The following SLCO5A1 variants were observed in gnomAD, a reference collection of about 807,000 sequenced individuals.
The protein encoded by SLCO5A1 is solute carrier organic anion transporter family member 5A1.
SLCO5A1 carries 39 observed loss-of-function variants against 65.1 expected under a neutral mutation model. That is an observed-to-expected ratio of 0.60 (90% CI 0.46 to 0.78). The LOEUF is 0.78. Ranked by LOEUF, SLCO5A1 falls within the 30% of genes least tolerant of loss-of-function variation. The pLI, the probability that SLCO5A1 is intolerant of heterozygous loss-of-function variation, is 0.00. For missense variants in SLCO5A1, 1,029 were observed against 1,069.4 expected, an observed-to-expected ratio of 0.96 and a Z score of 0.53; for synonymous variants, 438 against 415.7, an observed-to-expected ratio of 1.05 and a Z score of -0.65.
chr8:69,779,936 T>C (rs1818726599), intron 2 of SLCO5A1, among the ~76,000 whole-genome samples: 2 of 152,018 alleles, frequency 1.3e-5, no homozygotes, highest in Admixed American at 1.3e-4. Context: ...CCAGAATTTA[T>C]AAGGAACTCA....
intron 2 of SLCO5A1, among the ~76,000 whole-genome samples, chr8:69,788,083 A>G (rs1445735609): frequency 6.6e-6 from 1 of 152,234 alleles, no homozygotes; most frequent in Non-Finnish European, 1.5e-5. Context: ...TAACAAATCC[A>G]GAGGTAGATT....
At chr8:69,708,537 G>C (rs960300963) in intron 5 of SLCO5A1, among the ~76,000 whole-genome samples, 3 of 148,244 alleles carry the variant, frequency 2.0e-5, no homozygotes, top group African/African-American at 7.5e-5. Context: ...TCCAGACTGG[G>C]TAACAAGAGC....
At chr8:69,746,613 G>C (rs1262589651) in intron 4 of SLCO5A1, among the ~76,000 whole-genome samples, 1 of 152,174 alleles carries the variant, frequency 6.6e-6, no homozygotes, top group African/African-American at 2.4e-5. Flanking sequence ...TTTGCCTTGA[G>C]GGCATAGGAA....
chr8:69,832,649 G>C lies in SLCO5A1; in HGVS notation c.25C>G (p.Pro9Ala). ...GCCTCCAGCTGCTCTCCCGCCCCGG[G>C]CTGCAGTCCAGTGCCTTCGTCCATG... MDEGTGLQ[P>A]GAGEQLEAPA... Residue 9 changes from proline (P) to alanine (A), a missense_variant, in exon 2 of 10, where the codon CCC (proline) becomes GCC (alanine). By Grantham distance (27) the Pro-to-Ala change is conservative. Around this residue, in one of 3 missense-constraint regions of SLCO5A1, gnomAD observed 647 missense variants for 647.5 expected, o/e 1.00. Transcript: ENST00000260126. This position sits in a 1 kb window ranked among gnomAD's most constrained non-coding sequence, Gnocchi z 4.5. 1 of 1,605,778 alleles carries C rather than the reference G, an allele frequency of 6.2e-7. No homozygotes were observed. Among genetic ancestry groups the C allele is most frequent in the Non-Finnish European group, 8.5e-7 (1 of 1,179,704 alleles).
At chr8:69,682,488 A>G in intron 6 of SLCO5A1, 145 bp from the exon 7 acceptor site, 1 of 689,774 alleles carries the variant, frequency 1.4e-6, no homozygotes, top group Non-Finnish European at 2.0e-6. Flanking sequence ...AGTCATCCTC[A>G]ACAATTATTT....
At position 69,832,553 on chromosome 8, in the gene SLCO5A1, G is replaced by T; in HGVS notation, c.121C>A (p.Leu41Ile). 6.2e-7 allele frequency: 1 copy of T among 1,610,986 alleles called. No homozygotes were observed. Among genetic ancestry groups the T allele is most frequent in the South Asian group, 1.1e-5 (1 of 90,598 alleles). Residue 41 changes from leucine (L) to isoleucine (I), a missense_variant, in exon 2 of 10, where the codon CTC becomes ATC. Physicochemically the swap from Leu to Ile is conservative, Grantham distance 5. Around this residue, in one of 3 missense-constraint regions of SLCO5A1, gnomAD observed 647 missense variants for 647.5 expected, o/e 1.00. Coordinates refer to ENST00000260126, the MANE Select transcript of SLCO5A1 (RefSeq NM_030958.3). This position sits in a 1 kb window ranked among gnomAD's most constrained non-coding sequence, Gnocchi z 4.5. Reference sequence around the variant, plus strand: ...CTTGGCCGGCAGGAGGCGCTGCTGAGGACCGGTAAACTCTTAGACCTGAGG... The same window carrying T: ...CTTGGCCGGCAGGAGGCGCTGCTGATGACCGGTAAACTCTTAGACCTGAGG... ...ETLRSKSLPV[L>I]SSASCRPSLS...
intron 5 of SLCO5A1, among the ~76,000 whole-genome samples, chr8:69,731,125 A>G (rs2959550): frequency 0.58 from 87,371 of 151,792 alleles, 25,602 homozygotes; most frequent in South Asian, 0.7. Flanking sequence ...TCAGCCTCCC[A>G]AGTAGCTGGG....
intron 6 of SLCO5A1, among the ~76,000 whole-genome samples, chr8:69,704,492 C>T (rs1814883559): frequency 6.6e-6 from 1 of 152,110 alleles, no homozygotes; most frequent in South Asian, 2.1e-4. Context: ...TATGAATGCT[C>T]TATTTTAGAT....
intron 5 of SLCO5A1, among the ~76,000 whole-genome samples, chr8:69,711,175 G>C (rs1269047000): frequency 6.6e-6 from 1 of 151,998 alleles, no homozygotes; most frequent in Non-Finnish European, 1.5e-5. Context: ...AAATAGAAAA[G>C]ATGGGTTCTC....
At chr8:69,726,344 C>A (rs773874389) in intron 5 of SLCO5A1, among the ~76,000 whole-genome samples, 4 of 152,066 alleles carry the variant, frequency 2.6e-5, no homozygotes, top group Non-Finnish European at 4.4e-5. Context: ...TTGACCCTGA[C>A]CCTACACCGA....
chr8:69,832,240 A>G lies in SLCO5A1; in HGVS notation c.434T>C (p.Val145Ala), dbSNP rs1821188317. Residue 145 changes from valine to alanine, a missense_variant, in exon 2 of 10, where the codon GTC (valine) becomes GCC (alanine). Coordinates refer to ENST00000260126, the MANE Select transcript of SLCO5A1 (RefSeq NM_030958.3). This position sits in a 1 kb window ranked among gnomAD's most constrained non-coding sequence, Gnocchi z 4.5. ...AATTACGCTGCTCAGGTACCCAGAG[A>G]CCATTAACGCCTGGATGAAGGTCAG... ...CFLTFIQALM[V>A]SGYLSSVITT... 6.2e-7 allele frequency: 1 copy of G among 1,614,090 alleles called. No individual in the cohort carries two copies. Among genetic ancestry groups the G allele is most frequent in the Non-Finnish European group, 8.5e-7 (1 of 1,180,000 alleles).
At chr8:69,828,300 A>T in intron 2 of SLCO5A1, among the ~76,000 whole-genome samples, 1 of 151,572 alleles carries the variant, frequency 6.6e-6, no homozygotes, top group Non-Finnish European at 1.5e-5. Context: ...TTTAATCAGT[A>T]TCTTTAAAAA....
chr8:69,832,254 G>C lies in SLCO5A1; in HGVS notation c.420C>G (p.Ile140Met). The C allele has an allele frequency of 1.2e-6, 2 of 1,614,200 alleles. No homozygotes were observed. The highest frequency in any genetic ancestry group is 1.7e-6 in the Non-Finnish European group (2 of 1,180,038). ...FLVCMCFLTFIQALMVSGYLS... is the reference protein window; with the variant it reads ...FLVCMCFLTFMQALMVSGYLS... ...GGTACCCAGAGACCATTAACGCCTGGATGAAGGTCAGAAAGCACATGCACA... is the reference window on the plus strand; with the variant it reads ...GGTACCCAGAGACCATTAACGCCTGCATGAAGGTCAGAAAGCACATGCACA... The change falls in exon 2 of 10, where the codon ATC becomes ATG. Residue 140 changes from isoleucine (I) to methionine (M), a missense_variant. This residue lies in a region of SLCO5A1 where 647 missense variants were observed against 647.5 expected (regional missense o/e 1.00). Transcript: ENST00000260126. The surrounding 1 kb of genome is among the most constrained non-coding windows in gnomAD (Gnocchi z 4.5).
At chr8:69,675,212 T>C (rs1813500558) in intron 9 of SLCO5A1, among the ~76,000 whole-genome samples, 1 of 151,626 alleles carries the variant, frequency 6.6e-6, no homozygotes, top group Non-Finnish European at 1.5e-5. Context: ...TCTGCTCTTG[T>C]TGCCCAGGCT....
chr8:69,826,671 A>C (rs926909830), intron 2 of SLCO5A1, among the ~76,000 whole-genome samples: 1 of 152,224 alleles, frequency 6.6e-6, no homozygotes, highest in Non-Finnish European at 1.5e-5. Context: ...GAACACTTTT[A>C]CACTGTTGGT....
chr8:69,801,436 C>T (rs771283130), intron 2 of SLCO5A1, among the ~76,000 whole-genome samples: 1 of 152,094 alleles, frequency 6.6e-6, no homozygotes, highest in African/African-American at 2.4e-5. Context: ...ATAGGTTTCA[C>T]CTGTGATGAG....
chr8:69,802,977 A>G (rs1819816429), intron 2 of SLCO5A1, among the ~76,000 whole-genome samples: 1 of 151,570 alleles, frequency 6.6e-6, no homozygotes, highest in Non-Finnish European at 1.5e-5. Flanking sequence ...ATATTTGTTG[A>G]ATGAATTAAT....
chr8:69,694,018 G>A (rs1321457110), intron 6 of SLCO5A1, among the ~76,000 whole-genome samples: 1 of 152,228 alleles, frequency 6.6e-6, no homozygotes, highest in African/African-American at 2.4e-5. Context: ...AATGCTGTAG[G>A]CATGCACAGC....
At position 69,761,775 on chromosome 8, in the gene SLCO5A1, A is replaced by C. The variant is rs142881553; in HGVS notation, c.1008T>G (p.Leu336=). The C allele has an allele frequency of 1.9e-6, 3 of 1,613,986 alleles. No homozygotes were observed. In the Admixed American group the frequency reaches 5.0e-5, roughly 27 times the overall value. ...CAATGAAACGAGGGTCATTCTGGTC[A>C]AGGTGAACAGGATTTCTGGGATCAA... ...FYVDPRNPVH[L]DQNDPRFIGN... is the part of the protein sequence containing the mutation. The change falls in exon 3 of 10, where the codon CTT becomes CTG. Residue 336 remains leucine, a synonymous_variant. Coordinates refer to ENST00000260126, the MANE Select transcript of SLCO5A1 (RefSeq NM_030958.3).
Sources: allele counts gnomAD v4.1 joint callset (sites outside exome capture counted in the v4.1 genomes callset), GRCh38; gene constraint gnomAD v4.1.1; regional missense constraint gnomAD v4.1.1; non-coding constraint Gnocchi (gnomAD v3.1); transcripts MANE v1.5; gene names NCBI Gene and HGNC (gene_info 2026-07-23, HGNC 2026-07-21).